HEXB: variants seen among roughly 807,000 people sequenced by gnomAD.
The protein encoded by HEXB is hexosaminidase subunit beta, also known as beta-hexosaminidase subunit beta.
A neutral mutation model predicts 71.2 loss-of-function variants in HEXB; 51 were observed. The observed-to-expected ratio is 0.72, with a 90% CI of 0.57 to 0.90. The LOEUF (loss-of-function observed/expected upper bound fraction) is 0.90, where lower values mean the gene tolerates loss of function less well. HEXB is among the 40% of genes least tolerant of loss of function. HEXB has a pLI of 0.00. For missense variants in HEXB, 617 were observed against 677.0 expected (o/e 0.91, Z 0.98); for synonymous variants, 266 against 249.3 (o/e 1.07, Z -0.63).
rs992608631 is a variant in HEXB, at chr5:74,672,914, G to A, written c.-376-16414G>A. On this transcript the variant is annotated intron_variant, in intron 1 of 13. Transcript: ENST00000511181. ...ACATGAACTTTGCCCCCAGTCTGGA[G>A]ACTTTGGATTTAGAAACCTTAGAAG... 2.6e-5 allele frequency among the ~76,000 whole-genome samples: 4 copies of A among 152,232 alleles called. No individual in the cohort carries two copies. In the South Asian group the frequency reaches 8.3e-4, roughly 32 times the overall value.
chr5:74,650,206 C>G (rs894340180), intron 1 of HEXB, among the ~76,000 whole-genome samples: 2 of 152,218 alleles, frequency 1.3e-5, no homozygotes, highest in Non-Finnish European at 2.9e-5. Flanking sequence ...CCTCCTCGAG[C>G]ATGTTACAGT....
intron 11 of HEXB, 77 bp downstream of exon 11, chr5:74,719,048 GT>G: frequency 7.1e-7 from 1 of 1,418,338 alleles, no homozygotes; most frequent in Non-Finnish European, 1.0e-6. Context: ...TGTTACCTTT[GT>G]TTTATGAGTT....
rs1471762533 is a variant in HEXB at position 74,715,696 on chromosome 5, A to G, written c.1082+6A>G. 6.4e-7 allele frequency: 1 copy of G among 1,559,972 alleles called. No individual in the cohort carries two copies. The highest frequency in any genetic ancestry group is 8.8e-7 in the Non-Finnish European group (1 of 1,131,848). On this transcript the variant is annotated splice_donor_region_variant and intron_variant, in intron 8 of 13. Transcript: ENST00000261416. ...GAAGTGGAATTTAAATGTTGGTAAG[A>G]TGATTCCTTAAAACCCCTTTAAAAA...
intron 1 of HEXB, among the ~76,000 whole-genome samples, chr5:74,674,245 A>T (rs1186255228): frequency 4.6e-5 from 7 of 152,322 alleles, no homozygotes; most frequent in Admixed American, 4.6e-4. Context: ...CATTTGGTCT[A>T]AACAAACTAG....
At chr5:74,647,466 G>A (rs547344228) in intron 1 of HEXB, among the ~76,000 whole-genome samples, 80 of 152,238 alleles carry the variant, frequency 5.3e-4, no homozygotes, top group Admixed American at 1.0e-3. Flanking sequence ...AAATCAGGAA[G>A]CTGCAAGTTA....
chr5:74,716,411 T>G (rs991655041), intron 8 of HEXB, among the ~76,000 whole-genome samples, 176 bp from the exon 9 acceptor site: 1 of 152,162 alleles, frequency 6.6e-6, no homozygotes, highest in African/African-American at 2.4e-5. Context: ...CTTGAAAAAA[T>G]TGTTTGCAAT....
intron 1 of HEXB, chr5:74,640,591 C>G (rs1479199548): frequency 6.6e-6 from 1 of 152,368 alleles, no homozygotes; most frequent in African/African-American, 2.4e-5. Flanking sequence ...CTGCAGGCGC[C>G]GCGGAAGGAG....
chr5:74,713,696 T>C (rs2112172193), intron 7 of HEXB, 61 bp downstream of exon 7: 3 of 1,405,370 alleles, frequency 2.1e-6, no homozygotes, highest in Non-Finnish European at 3.0e-6. Context: ...TGGAGTCTTG[T>C]TCTGTCACCC....
chr5:74,644,991 C>T (rs192258134), intron 1 of HEXB, among the ~76,000 whole-genome samples: 1 of 151,968 alleles, frequency 6.6e-6, no homozygotes, highest in East Asian at 1.9e-4. Flanking sequence ...AAGCTGGTCT[C>T]GAACTCCTGA....
At chr5:74,657,764 T>A (rs1391093905) in intron 1 of HEXB, among the ~76,000 whole-genome samples, 3 of 152,264 alleles carry the variant, frequency 2.0e-5, no homozygotes, top group African/African-American at 7.2e-5. Context: ...TAAAGATCTC[T>A]GTGTCCTAGA....
Position 74,641,312 on chromosome 5 carries a change from A to G in HEXB, c.-377+754A>G, listed in dbSNP as rs1157079545. The G allele has an allele frequency of 1.3e-5, 2 of 152,356 alleles. No individual in the cohort carries two copies. The highest frequency in any genetic ancestry group is 2.4e-5 in the African/African-American group (1 of 41,450). The allele number at this position is 152,356 out of a possible 1,614,324, so 9.4% of individuals were successfully genotyped here. A position where few individuals can be genotyped will look rare whatever the true frequency, so the allele number is the denominator to read the frequency against. On this transcript the variant is annotated intron_variant, in intron 1 of 13. Transcript: ENST00000511181. This position sits in a 1 kb window ranked among gnomAD's most constrained non-coding sequence, Gnocchi z 4.1. ...TAGGGACACTCGGGTTGAGCAAGCC[A>G]GGACGTTTAAGTTTCTTGCTGGCAG...
intron 6 of HEXB, among the ~76,000 whole-genome samples, chr5:74,711,964 G>A (rs200868542): frequency 0.092 from 12,510 of 136,492 alleles, 577 homozygotes; most frequent in African/African-American, 0.13. Context: ...TCATGCTGCT[G>A]TAAAGACACA....
chr5:74,705,118 A>T, intron 5 of HEXB, 101 bp from the exon 6 acceptor site: 3 of 686,520 alleles, frequency 4.4e-6, no homozygotes, highest in Admixed American at 2.3e-5. Flanking sequence ...AAAAAGTTTT[A>T]AAGGAAGCAG....
At chr5:74,716,908 G>A in intron 9 of HEXB, 1 of 372,444 alleles carries the variant, frequency 2.7e-6, no homozygotes, top group East Asian at 6.2e-5. Context: ...ACTCAGATTG[G>A]GCTGGGCATG....
chr5:74,672,497 T>C (rs1180257514), intron 1 of HEXB, among the ~76,000 whole-genome samples: 1 of 152,214 alleles, frequency 6.6e-6, no homozygotes, highest in Admixed American at 6.5e-5. Flanking sequence ...TCTGAAGCTA[T>C]AGACCACACT....
rs1041461055 is a variant in HEXB, at chr5:74,660,673, G to A, written c.-377+20115G>A. ...GTTGTATCTGTTCTTCCTAGCAGCA[G>A]CTGAATGCAATCCCAATACAAAACT... is the stretch of plus-strand genomic sequence containing the variant. On this transcript the variant is annotated intron_variant, in intron 1 of 13. Coordinates refer to the HEXB transcript ENST00000511181. Among the ~76,000 whole-genome samples, 4 of 152,220 alleles carry A rather than the reference G, an allele frequency of 2.6e-5. No individual in the cohort carries two copies. In the East Asian group the frequency reaches 7.7e-4, roughly 29 times the overall value.
chr5:74,701,812 G>C (rs1279656940), intron 5 of HEXB, among the ~76,000 whole-genome samples: 2 of 151,726 alleles, frequency 1.3e-5, no homozygotes, highest in East Asian at 3.9e-4. Context: ...AACCACATGG[G>C]CACATATGAT....
chr5:74,689,417 C>CA lies in HEXB; in HGVS notation c.391dup (p.Ile131AsnfsTer8). 6.2e-7 allele frequency: 1 copy of CA among 1,613,312 alleles called. No homozygotes were observed. The highest frequency in any genetic ancestry group is 8.5e-7 in the Non-Finnish European group (1 of 1,179,230). ...ACCCAGGTTCAGCAACTTCTTGTCT[C>CA]AATCACCCTTCAGTCAGAGTGTGAT... On this transcript the variant is annotated frameshift_variant, in exon 2 of 14. Transcript: ENST00000261416. LOFTEE classifies it high-confidence loss of function.
At chr5:74,717,615 C>A (rs967556397) in intron 9 of HEXB, among the ~76,000 whole-genome samples, 19 of 151,776 alleles carry the variant, frequency 1.3e-4, no homozygotes, top group Admixed American at 1.2e-3. Context: ...TACAATTGCC[C>A]ATGGACCACA....
Sources: gnomAD v4.1 joint callset for allele counts (sites outside exome capture counted in the v4.1 genomes callset) on GRCh38, gnomAD v4.1.1 for gene constraint, Gnocchi (gnomAD v3.1) non-coding constraint, MANE v1.5 for transcripts, NCBI Gene and HGNC (gene_info 2026-07-23, HGNC 2026-07-21) for gene names.